Variants in GNB1L observed in about 807,000 individuals in gnomAD.
GNB1L encodes guanine nucleotide-binding protein subunit beta-like protein 1.
Under a neutral mutation model 29.1 loss-of-function variants are expected in GNB1L, and 20 were observed. That is an observed-to-expected ratio of 0.69 (90% CI 0.48 to 1.00). GNB1L has a LOEUF of 1.00. Ranked by LOEUF, GNB1L falls within the 50% of genes least tolerant of loss-of-function variation. The pLI, the probability that GNB1L is intolerant of heterozygous loss-of-function variation, is 0.00. For synonymous variants in GNB1L, 193 were observed against 206.5 expected (o/e 0.93, Z 0.56); for missense variants, 421 against 464.9 (o/e 0.91, Z 0.87).
intron 2 of GNB1L, among the ~76,000 whole-genome samples, chr22:19,834,564 G>A (rs1043913653): frequency 3.9e-5 from 6 of 152,066 alleles, no homozygotes; most frequent in African/African-American, 1.4e-4. Context: ...AATGGAGGAG[G>A]GTAAGGGACC....
At chr22:19,843,543 A>T (rs1045765152) in intron 2 of GNB1L, among the ~76,000 whole-genome samples, 2 of 152,088 alleles carry the variant, frequency 1.3e-5, no homozygotes, top group Non-Finnish European at 2.9e-5. Context: ...TGTGGCGGGG[A>T]ATAAGGTATG....
chr22:19,795,440 C>G (rs1191842954), intron 7 of GNB1L, among the ~76,000 whole-genome samples: 1 of 152,218 alleles, frequency 6.6e-6, no homozygotes, highest in Non-Finnish European at 1.5e-5. Context: ...GGCTCCACCC[C>G]ACAACTGCGG....
At chr22:19,839,026 A>G (rs1937813063) in intron 2 of GNB1L, among the ~76,000 whole-genome samples, 1 of 152,216 alleles carries the variant, frequency 6.6e-6, no homozygotes, top group East Asian at 1.9e-4. Flanking sequence ...ACGTGGGTGA[A>G]TCTCCAAAGA....
chr22:19,789,247 G>T (rs1200141235), intron 7 of GNB1L, among the ~76,000 whole-genome samples: 1 of 152,204 alleles, frequency 6.6e-6, no homozygotes, highest in African/African-American at 2.4e-5. Context: ...GGTCCCAGCT[G>T]CAGGAGAGGG....
intron 4 of GNB1L, among the ~76,000 whole-genome samples, chr22:19,817,391 G>A (rs1260018931): frequency 6.6e-6 from 1 of 152,128 alleles, no homozygotes; most frequent in Non-Finnish European, 1.5e-5. Context: ...TGAGGCAGGA[G>A]AATCACTTGA....
chr22:19,852,835 T>G (rs1280654755), intron 2 of GNB1L, among the ~76,000 whole-genome samples: 1 of 152,130 alleles, frequency 6.6e-6, no homozygotes, highest in Non-Finnish European at 1.5e-5. Context: ...AGGCACACAG[T>G]GGTGAAGTAA....
chr22:19,849,856 C>T (rs761569715), intron 2 of GNB1L: 13 of 985,470 alleles, frequency 1.3e-5, no homozygotes, highest in Non-Finnish European at 1.6e-5. Flanking sequence ...ACACACTGCA[C>T]ACACTGGGCG....
Position 19,788,368 on chromosome 22 carries a change from T to G in GNB1L, c.*341A>C, listed in dbSNP as rs1221028555. 1.7e-6 allele frequency: 1 copy of G among 580,502 alleles called. No individual in the cohort carries two copies. The highest frequency in any genetic ancestry group is 1.9e-5 in the African/African-American group (1 of 53,522). The allele number at this position is 580,502 out of a possible 1,614,324, so 36.0% of individuals were successfully genotyped here. On this transcript the variant is annotated 3_prime_UTR_variant, in exon 8 of 8. Coordinates refer to ENST00000329517, the MANE Select transcript of GNB1L (RefSeq NM_053004.3). The stretch of plus-strand genomic sequence containing the variant: ...GGGGTCTGAGGGCACTGATGCTAAG[T>G]GGGGGACCAGGGCCTCCTCAGGGAG...
intron 2 of GNB1L, among the ~76,000 whole-genome samples, chr22:19,839,229 A>G (rs963589425): frequency 1.3e-5 from 2 of 152,162 alleles, no homozygotes; most frequent in African/African-American, 4.8e-5. Flanking sequence ...TGACACAGAC[A>G]TGGGTTAGGA....
At chr22:19,849,957 TTTC>T (rs1353429330) in intron 2 of GNB1L, 1 of 985,394 alleles carries the variant, frequency 1.0e-6, no homozygotes, top group African/African-American at 1.7e-5. Context: ...GGAACAGGTC[TTTC>T]TTCATTCCAT....
intron 2 of GNB1L, among the ~76,000 whole-genome samples, chr22:19,840,011 C>T (rs746164787): frequency 1.1e-4 from 17 of 151,566 alleles, no homozygotes; most frequent in Non-Finnish European, 2.9e-5. Flanking sequence ...CTGCAGTGAG[C>T]TATGCTCACA....
At chr22:19,852,035 G>A (rs1938117275) in intron 2 of GNB1L, 2 of 1,614,108 alleles carry the variant, frequency 1.2e-6, no homozygotes, top group African/African-American at 1.3e-5. Context: ...CCTTTCTGCA[G>A]GTTTACCGCC....
intron 2 of GNB1L, among the ~76,000 whole-genome samples, chr22:19,840,398 G>A (rs1449943072): frequency 2.0e-5 from 3 of 152,206 alleles, no homozygotes; most frequent in Non-Finnish European, 4.4e-5. Flanking sequence ...ACGGAAAGGA[G>A]AGAAAAACAG....
At chr22:19,837,215 C>G (rs918220807) in intron 2 of GNB1L, among the ~76,000 whole-genome samples, 4 of 151,594 alleles carry the variant, frequency 2.6e-5, no homozygotes, top group African/African-American at 9.7e-5. Flanking sequence ...ATCCACCCGC[C>G]TCGGCCTCCC....
intron 7 of GNB1L, among the ~76,000 whole-genome samples, chr22:19,801,664 T>TC (rs1268699594): frequency 6.6e-6 from 1 of 151,900 alleles, no homozygotes; most frequent in Non-Finnish European, 1.5e-5. Context: ...TTTTTTTTTT[T>TC]TTTTTTTGAT....
chr22:19,851,068 C>G, intron 2 of GNB1L: 1 of 1,465,316 alleles, frequency 6.8e-7, no homozygotes, highest in Admixed American at 2.7e-5. Context: ...CTGAAGTCAT[C>G]TGGGGACACC....
At chr22:19,819,679 A>G (rs1601335328) in intron 4 of GNB1L, among the ~76,000 whole-genome samples, 1 of 152,176 alleles carries the variant, frequency 6.6e-6, no homozygotes, top group East Asian at 1.9e-4. Flanking sequence ...ACCAATGGGG[A>G]CAGGCCACCT....
At chr22:19,818,300 G>A (rs915912772) in intron 4 of GNB1L, among the ~76,000 whole-genome samples, 6 of 152,234 alleles carry the variant, frequency 3.9e-5, no homozygotes, top group African/African-American at 1.4e-4. Context: ...ACCACCAAGG[G>A]CTACATTGTG....
chr22:19,847,406 A>C, intron 2 of GNB1L: 6 of 985,382 alleles, frequency 6.1e-6, no homozygotes, highest in Non-Finnish European at 7.2e-6. Flanking sequence ...TTCAAAAAAC[A>C]GTGACACCCA....
Sources: gnomAD v4.1 joint callset for allele counts (sites outside exome capture counted in the v4.1 genomes callset) on GRCh38, gnomAD v4.1.1 for gene constraint, MANE v1.5 for transcripts, NCBI Gene and HGNC (gene_info 2026-07-23, HGNC 2026-07-21) for gene names.